Variants in PPARG observed in about 807,000 individuals in gnomAD.
PPARG encodes peroxisome proliferator-activated receptor gamma.
In PPARG, 17 loss-of-function variants were observed where a neutral mutation model predicts 39.2. The ratio of observed to expected loss-of-function variants is 0.43; its 90% CI spans 0.30 to 0.65. The LOEUF (loss-of-function observed/expected upper bound fraction) is 0.65. PPARG is among the 30% of genes least tolerant of loss of function. PPARG has a pLI of 0.13. For synonymous variants in PPARG, 223 were observed against 215.7 expected, an observed-to-expected ratio of 1.03 and a Z score of -0.30; for missense variants, 406 against 585.9, an observed-to-expected ratio of 0.69 and a Z score of 3.17.
intron 6 of PPARG, among the ~76,000 whole-genome samples, chr3:12,415,756 A>G (rs1198412155): frequency 6.6e-6 from 1 of 152,144 alleles, no homozygotes; most frequent in African/African-American, 2.4e-5. Context: ...CCAGAGCATT[A>G]AAAAAAGAAA....
At chr3:12,417,901 C>CTTTTTTTTTTTTTTTTTT (rs1559533744) in intron 7 of PPARG, among the ~76,000 whole-genome samples, 8 of 46,150 alleles carry the variant, frequency 1.7e-4, no homozygotes, top group Admixed American at 2.5e-4. Context: ...TTTTTTTTTT[C>CTTTTTTTTTTTTTTTTTT]CTTTTTTTTT....
chr3:12,295,856 T>G (rs546083669), intron 1 of PPARG, among the ~76,000 whole-genome samples: 17 of 152,294 alleles, frequency 1.1e-4, no homozygotes, highest in African/African-American at 3.8e-4. Flanking sequence ...TAGAGCAGTT[T>G]GATGTCTGCA....
chr3:12,408,567 C>CTT lies in PPARG; in HGVS notation c.729+2504_729+2505dup, dbSNP rs397945616. ...GGTTAGTTTTCTTTTCTTTTCTTTTCTTTTTTTTTTTTTTTTTTTGAGGTG... is the reference window on the plus strand; with the variant it reads ...GGTTAGTTTTCTTTTCTTTTCTTTTCTTTTTTTTTTTTTTTTTTTTTGAGGTG... On this transcript the variant is annotated intron_variant, in intron 6 of 7. Transcript: ENST00000651735. 8.9e-3 allele frequency among the ~76,000 whole-genome samples: 1,006 copies of CTT among 113,226 alleles called. 29 individuals are homozygous for CTT. The highest frequency in any genetic ancestry group is 0.034 in the African/African-American group (933 of 27,328). The allele number at this position is 113,226 out of a possible 152,430, so 74.3% of individuals were successfully genotyped here.
At chr3:12,365,592 ATTG>A (rs1308022878) in intron 2 of PPARG, among the ~76,000 whole-genome samples, 4 of 151,644 alleles carry the variant, frequency 2.6e-5, no homozygotes, top group Non-Finnish European at 4.4e-5. Context: ...TATTATTATT[ATTG>A]TTATTATTAT....
At chr3:12,397,382 TTA>T (rs1559523946) in intron 5 of PPARG, among the ~76,000 whole-genome samples, 389 of 15,916 alleles carry the variant, frequency 0.024, no homozygotes, top group African/African-American at 0.076. Context: ...TTCCTTTTTA[TTA>T]TTATTATTAT....
chr3:12,370,386 C>T (rs963915112), intron 2 of PPARG, among the ~76,000 whole-genome samples: 1 of 151,856 alleles, frequency 6.6e-6, no homozygotes, highest in South Asian at 2.1e-4. Context: ...TTTAAGAAAT[C>T]CTTTCTCTCT....
chr3:12,313,819 T>G (rs1164187798), intron 2 of PPARG, among the ~76,000 whole-genome samples: 1 of 152,116 alleles, frequency 6.6e-6, no homozygotes, highest in Admixed American at 6.5e-5. Flanking sequence ...TACACATGAG[T>G]CCAAATTGAT....
At chr3:12,339,774 G>C (rs989606436) in intron 2 of PPARG, among the ~76,000 whole-genome samples, 2 of 152,220 alleles carry the variant, frequency 1.3e-5, no homozygotes, top group Non-Finnish European at 2.9e-5. Flanking sequence ...GCACACATGA[G>C]AGTCGCATCC....
chr3:12,414,659 GC>G (rs1456809489), intron 6 of PPARG, among the ~76,000 whole-genome samples: 2 of 151,812 alleles, frequency 1.3e-5, no homozygotes, highest in Non-Finnish European at 2.9e-5. Flanking sequence ...TACTTGCTCT[GC>G]CCCCCTTGTA....
intron 3 of PPARG, among the ~76,000 whole-genome samples, chr3:12,380,935 G>A (rs533408662): frequency 6.6e-6 from 1 of 152,126 alleles, no homozygotes; most frequent in Non-Finnish European, 1.5e-5. Flanking sequence ...TTATAAAATG[G>A]AATATTTAAA....
intron 2 of PPARG, among the ~76,000 whole-genome samples, chr3:12,369,448 C>T (rs1050905130): frequency 6.6e-6 from 1 of 152,004 alleles, no homozygotes; most frequent in Non-Finnish European, 1.5e-5. Context: ...GCTGTGATTG[C>T]GTTACAGCAC....
At chr3:12,412,583 T>A (rs1235498037) in intron 6 of PPARG, among the ~76,000 whole-genome samples, 1 of 152,160 alleles carries the variant, frequency 6.6e-6, no homozygotes, top group Non-Finnish European at 1.5e-5. Flanking sequence ...AAACACTGGG[T>A]TCAAGTGCAG....
chr3:12,398,718 A>G (rs2050355545), intron 5 of PPARG, among the ~76,000 whole-genome samples: 1 of 152,208 alleles, frequency 6.6e-6, no homozygotes, highest in Non-Finnish European at 1.5e-5. Context: ...AAGAGGGCGG[A>G]GATGGTCACC....
chr3:12,296,447 CTTGGTCCAAGA>C (rs2046788712), intron 1 of PPARG, among the ~76,000 whole-genome samples: 1 of 151,994 alleles, frequency 6.6e-6, no homozygotes, highest in South Asian at 2.1e-4. Context: ...TTTGGGAACT[CTTGGTCCAAGA>C]TGATTCTTGC....
intron 1 of PPARG, among the ~76,000 whole-genome samples, chr3:12,311,613 A>G (rs111523702): frequency 3.9e-5 from 6 of 152,332 alleles, no homozygotes; most frequent in African/African-American, 1.4e-4. Context: ...TCATGTAGGT[A>G]AGACTGTGTA....
chr3:12,354,055 C>G (rs549935498), intron 2 of PPARG, among the ~76,000 whole-genome samples: 1 of 152,164 alleles, frequency 6.6e-6, no homozygotes, highest in African/African-American at 2.4e-5. Flanking sequence ...TCCTTCAAAA[C>G]GAGTCTCTCC....
chr3:12,354,588 C>CAATGTAAAATGAAAATG (rs1360991702), intron 2 of PPARG, among the ~76,000 whole-genome samples: 3 of 151,820 alleles, frequency 2.0e-5, no homozygotes, highest in Non-Finnish European at 4.4e-5. Flanking sequence ...CCTGTCTCTA[C>CAATGTAAAATGAAAATG]TAAAAATACA....
intron 2 of PPARG, among the ~76,000 whole-genome samples, chr3:12,339,269 G>A (rs2048105263): frequency 6.6e-6 from 1 of 152,172 alleles, no homozygotes; most frequent in African/African-American, 2.4e-5. Flanking sequence ...ATCTATAGAG[G>A]CAGAAAAGTA....
intron 2 of PPARG, among the ~76,000 whole-genome samples, chr3:12,368,183 C>CTTTTTTT (rs556381640): frequency 3.0e-5 from 4 of 133,450 alleles, no homozygotes; most frequent in East Asian, 2.1e-4. Context: ...TTTTCTTTTT[C>CTTTTTTT]TTTTTTGTTT....
Sources: gnomAD v4.1 joint callset for allele counts (sites outside exome capture counted in the v4.1 genomes callset) on GRCh38, gnomAD v4.1.1 for gene constraint, MANE v1.5 for transcripts, NCBI Gene and HGNC (gene_info 2026-07-23, HGNC 2026-07-21) for gene names.